The following MPP7 variants were observed in gnomAD, a reference collection of about 807,000 sequenced individuals.
The protein encoded by MPP7 is MAGUK p55 subfamily member 7.
In MPP7, 60 loss-of-function variants were observed where a neutral mutation model predicts 76.5. The ratio of observed to expected loss-of-function variants is 0.78; its 90% confidence interval spans 0.64 to 0.97. MPP7 has a LOEUF of 0.97. Ranked by LOEUF, MPP7 falls within the 50% of genes least tolerant of loss-of-function variation. MPP7 has a pLI of 0.00. For synonymous variants in MPP7, 237 were observed against 244.5 expected, an observed-to-expected ratio of 0.97 and a Z score of 0.29; for missense variants, 641 against 694.0, an observed-to-expected ratio of 0.92 and a Z score of 0.86.
At chr10:28,210,284 G>A (rs912452691) in intron 2 of MPP7, among the ~76,000 whole-genome samples, 10 of 152,154 alleles carry the variant, frequency 6.6e-5, no homozygotes, top group African/African-American at 2.4e-4. Flanking sequence ...TGGTACAAAA[G>A]TAATCACAGT....
At chr10:28,063,634 T>C (rs905285314) in intron 13 of MPP7, among the ~76,000 whole-genome samples, 1 of 151,978 alleles carries the variant, frequency 6.6e-6, no homozygotes, top group African/African-American at 2.4e-5. Context: ...TCCTGTCAGA[T>C]CAGCAGCGGC....
At chr10:28,329,976 A>G (rs1372273636) in exon 2 of MPP7, 1 of 152,188 alleles carries the variant, frequency 6.6e-6, no homozygotes, top group Non-Finnish European at 1.5e-5. Context: ...TGCAGCAAAA[A>G]GAGTGATACT....
At chr10:28,203,654 T>C (rs1375250145) in intron 2 of MPP7, among the ~76,000 whole-genome samples, 1 of 152,200 alleles carries the variant, frequency 6.6e-6, no homozygotes, top group Non-Finnish European at 1.5e-5. Flanking sequence ...ACTCAATCTA[T>C]AATAATACAG....
chr10:28,314,878 T>C (rs896251241), intron 2 of MPP7, among the ~76,000 whole-genome samples: 1 of 152,170 alleles, frequency 6.6e-6, no homozygotes, highest in Admixed American at 6.5e-5. Flanking sequence ...CCGGACACAG[T>C]GGCTCACACC....
At chr10:28,249,400 C>T (rs1397527966) in intron 1 of MPP7, among the ~76,000 whole-genome samples, 2 of 152,212 alleles carry the variant, frequency 1.3e-5, no homozygotes, top group Admixed American at 6.5e-5. Flanking sequence ...ACCAGCCTGA[C>T]CAACATGGCG....
chr10:28,278,093 C>T (rs2133076894), intron 1 of MPP7, among the ~76,000 whole-genome samples: 1 of 152,028 alleles, frequency 6.6e-6, no homozygotes, highest in Admixed American at 6.6e-5. Flanking sequence ...ATTTCTTAAA[C>T]CAAAGAGAAT....
chr10:28,105,423 G>C (rs1453327547), intron 11 of MPP7, among the ~76,000 whole-genome samples: 2 of 152,096 alleles, frequency 1.3e-5, no homozygotes, highest in South Asian at 2.1e-4. Context: ...TCTCAGAATT[G>C]GCAAGTAATG....
chr10:28,322,440 CA>C (rs768441184), intron 2 of MPP7, among the ~76,000 whole-genome samples: 3 of 152,044 alleles, frequency 2.0e-5, no homozygotes, highest in Non-Finnish European at 2.9e-5. Context: ...AAGATTTGCA[CA>C]AAAAACTTTG....
In MPP7 at chr10:28,058,431, C is replaced by G. The variant is rs1191669559; in HGVS notation, c.1407+64G>C. On this transcript the variant is annotated intron_variant, in intron 15 of 16. Transcript: ENST00000683449. ...CTTCATATTATTTCATACTGAAATG[C>G]TCACATGAGGTGCTGTAGATGACAT... is the stretch of plus-strand genomic sequence containing the variant. The G allele has an allele frequency of 2.2e-4, 179 of 799,548 alleles. 1 individual carries two copies. Among genetic ancestry groups the G allele is most frequent in the Non-Finnish European group, 1.5e-5 (8 of 522,016 alleles). 49.5% of individuals were successfully genotyped at this position (799,548 alleles called of 1,614,324 possible).
intron 2 of MPP7, among the ~76,000 whole-genome samples, chr10:28,310,847 G>A (rs1841286002): frequency 6.6e-6 from 1 of 152,060 alleles, no homozygotes; most frequent in African/African-American, 2.4e-5. Flanking sequence ...ATAAGTGTGG[G>A]GAATATATTT....
At chr10:28,173,783 A>G (rs561001367) in intron 3 of MPP7, among the ~76,000 whole-genome samples, 2 of 152,352 alleles carry the variant, frequency 1.3e-5, no homozygotes, top group South Asian at 2.1e-4. Flanking sequence ...AGAAAATTAG[A>G]AAGTGTTACT....
intron 1 of MPP7, among the ~76,000 whole-genome samples, chr10:28,271,443 T>G (rs1197398009): frequency 1.3e-5 from 2 of 152,230 alleles, no homozygotes; most frequent in Non-Finnish European, 2.9e-5. Flanking sequence ...CACTGTTCTC[T>G]TGCTAATCTG....
chr10:28,122,655 T>G (rs1182605389), intron 8 of MPP7, among the ~76,000 whole-genome samples: 1 of 152,216 alleles, frequency 6.6e-6, no homozygotes, highest in Non-Finnish European at 1.5e-5. Context: ...TCTCCAGACA[T>G]CTATGTTTTC....
In MPP7 at chr10:28,249,470, T is replaced by G. The variant is rs537199259; in HGVS notation, c.-131-10735A>C. Reference sequence around the variant, plus strand: ...CGGGCATGGTGGCACACGCTTGTAGTCCCAGCTATTCGAGAGGCTGAGGCA... The same window carrying G: ...CGGGCATGGTGGCACACGCTTGTAGGCCCAGCTATTCGAGAGGCTGAGGCA... On this transcript the variant is annotated intron_variant, in intron 1 of 16. Transcript: ENST00000683449. Among the ~76,000 whole-genome samples, 3 of 152,144 alleles carry G rather than the reference T, an allele frequency of 2.0e-5. No individual in the cohort carries two copies. In the South Asian group the frequency reaches 6.2e-4, roughly 31 times the overall value.
intron 3 of MPP7, among the ~76,000 whole-genome samples, chr10:28,198,355 T>C (rs1837655212): frequency 6.6e-6 from 1 of 152,078 alleles, no homozygotes; most frequent in Non-Finnish European, 1.5e-5. Context: ...GGCAGGTGGA[T>C]CCCTTAGGTC....
chr10:28,334,647 AAC>A (rs1277760626), upstream of MPP7, among the ~76,000 whole-genome samples: 1 of 152,208 alleles, frequency 6.6e-6, no homozygotes, highest in Non-Finnish European at 1.5e-5. Context: ...TTTAAATATT[AAC>A]ACTTTCCCTT....
At chr10:28,201,868 G>A (rs1481948386) in intron 3 of MPP7, among the ~76,000 whole-genome samples, 2 of 152,110 alleles carry the variant, frequency 1.3e-5, no homozygotes. Flanking sequence ...AATGTTGACC[G>A]TAAAAGAGTC....
intron 1 of MPP7, among the ~76,000 whole-genome samples, chr10:28,293,450 A>T (rs1248223667): frequency 6.6e-6 from 1 of 152,246 alleles, no homozygotes; most frequent in African/African-American, 2.4e-5. Context: ...AGGGAGCAAC[A>T]GCTGGTGAAA....
intron 2 of MPP7, among the ~76,000 whole-genome samples, chr10:28,313,995 T>G (rs896667630): frequency 2.0e-5 from 3 of 151,852 alleles, no homozygotes; most frequent in African/African-American, 7.3e-5. Flanking sequence ...CATGAGCCAC[T>G]GTGCCTAGCA....
Sources: allele counts gnomAD v4.1 joint callset (sites outside exome capture counted in the v4.1 genomes callset), GRCh38; gene constraint gnomAD v4.1.1; transcripts MANE v1.5; gene names NCBI Gene and HGNC (gene_info 2026-07-23, HGNC 2026-07-21).